Variants in CCDC68 observed in about 807,000 individuals in gnomAD.
CCDC68 encodes the protein coiled-coil domain containing 68, also known as coiled-coil domain-containing protein 68.
A neutral mutation model predicts 47.1 loss-of-function variants in CCDC68; 45 were observed. The ratio of observed to expected loss-of-function variants is 0.96; its 90% CI spans 0.75 to 1.23. The LOEUF (loss-of-function observed/expected upper bound fraction) is 1.23. CCDC68 is among the 50% of genes most tolerant of loss of function. The pLI, the probability that CCDC68 is intolerant of heterozygous loss-of-function variation, is 0.00. For synonymous variants in CCDC68, 131 were observed against 129.5 expected (o/e 1.01, Z -0.08); for missense variants, 353 against 373.6 (o/e 0.94, Z 0.45).
chr18:54,955,973 C>T (rs754254458), intron 1 of CCDC68, among the ~76,000 whole-genome samples: 4 of 151,080 alleles, frequency 2.6e-5, no homozygotes, highest in Non-Finnish European at 5.9e-5. Context: ...ATCCACCTGC[C>T]TCAGCCTCCC....
At chr18:54,956,528 G>T (rs571653022) in intron 1 of CCDC68, among the ~76,000 whole-genome samples, 1 of 152,198 alleles carries the variant, frequency 6.6e-6, no homozygotes, top group African/African-American at 2.4e-5. Flanking sequence ...CTACCAAATG[G>T]TGAACAAAAT....
At chr18:54,930,344 C>G (rs2044220348) in intron 7 of CCDC68, among the ~76,000 whole-genome samples, 1 of 151,908 alleles carries the variant, frequency 6.6e-6, no homozygotes, top group Non-Finnish European at 1.5e-5. Context: ...ATAATATTAC[C>G]TATATTGAAA....
At chr18:54,936,166 G>T (rs2044339689) in intron 6 of CCDC68, among the ~76,000 whole-genome samples, 5 of 139,428 alleles carry the variant, frequency 3.6e-5, no homozygotes, top group African/African-American at 5.3e-5. Context: ...TATTATATTA[G>T]ATATTATAAT....
At chr18:54,918,584 C>T (rs976077925) in intron 9 of CCDC68, among the ~76,000 whole-genome samples, 1 of 152,220 alleles carries the variant, frequency 6.6e-6, no homozygotes, top group Non-Finnish European at 1.5e-5. Context: ...TCCCTCCTGG[C>T]TCTCAAATTC....
chr18:54,950,830 T>G (rs913323772), intron 1 of CCDC68, among the ~76,000 whole-genome samples: 8 of 123,626 alleles, frequency 6.5e-5, no homozygotes, highest in African/African-American at 2.3e-4. Context: ...AAAAAGGATG[T>G]AAGATTTTCT....
chr18:54,944,503 C>CA (rs1351366974), intron 2 of CCDC68, among the ~76,000 whole-genome samples: 2 of 152,000 alleles, frequency 1.3e-5, no homozygotes, highest in Non-Finnish European at 2.9e-5. Context: ...TGAAACTTAT[C>CA]AAAAATGTTA....
chr18:54,958,339 G>A (rs1183778101), intron 1 of CCDC68, among the ~76,000 whole-genome samples: 2 of 152,188 alleles, frequency 1.3e-5, no homozygotes, highest in East Asian at 3.9e-4. Context: ...AATTGTGTCT[G>A]CCAGGGTACC....
At chr18:54,940,225 G>C (rs760037884) in intron 4 of CCDC68, among the ~76,000 whole-genome samples, 1 of 152,076 alleles carries the variant, frequency 6.6e-6, no homozygotes. Context: ...TCTTCTACCC[G>C]CAGCTCCAGA....
chr18:54,947,849 G>T (rs374919060), intron 1 of CCDC68, among the ~76,000 whole-genome samples: 159 of 152,228 alleles, frequency 1.0e-3, no homozygotes, highest in African/African-American at 3.8e-3. Context: ...AGCAAACCCG[G>T]GGGAGAAATT....
intron 1 of CCDC68, among the ~76,000 whole-genome samples, chr18:54,958,887 T>C (rs1225231706): frequency 3.9e-5 from 6 of 152,190 alleles, no homozygotes; most frequent in Admixed American, 3.9e-4. Context: ...GCCACCTTCA[T>C]TCATCTCTGC....
At chr18:54,939,101 A>G (rs901012187) in intron 4 of CCDC68, among the ~76,000 whole-genome samples, 5 of 152,204 alleles carry the variant, frequency 3.3e-5, no homozygotes, top group African/African-American at 9.7e-5. Context: ...TTTCACTACA[A>G]TATAATAACT....
chr18:54,930,484 T>G (rs1171938330), intron 7 of CCDC68, among the ~76,000 whole-genome samples: 2 of 152,176 alleles, frequency 1.3e-5, no homozygotes, highest in African/African-American at 4.8e-5. Flanking sequence ...TGTTTTAAAA[T>G]TAGCTTTTTC....
intron 6 of CCDC68, among the ~76,000 whole-genome samples, chr18:54,936,175 ATTATATAGATAAATATATATAATTAT>A (rs1452558188): frequency 3.4e-5 from 5 of 145,176 alleles, no homozygotes; most frequent in Non-Finnish European, 7.6e-5. Flanking sequence ...AGATATTATA[ATTATATAGATAAATATATATAATTAT>A]TTATATAGAT....
In CCDC68 at chr18:54,919,286, G is replaced by C; in HGVS notation, c.774C>G (p.Arg258=). 6.2e-7 allele frequency: 1 copy of C among 1,613,026 alleles called. No homozygotes were observed. The highest frequency in any genetic ancestry group is 8.5e-7 in the Non-Finnish European group (1 of 1,179,020). Residue 258 remains arginine, a synonymous_variant, in exon 9 of 12, where the codon CGC becomes CGG. Transcript: ENST00000591504. ...TTAATCTGACCTCCTGGATGACACT[G>C]CGCAGGTTCTGATGTTGGGAGTGAA... ...FVIHSQHQNL[R]SVIQEMEGLK...
intron 8 of CCDC68, among the ~76,000 whole-genome samples, chr18:54,924,178 T>C (rs1032873549): frequency 6.6e-6 from 1 of 152,108 alleles, no homozygotes; most frequent in Non-Finnish European, 1.5e-5. Context: ...ATAAAGCAAA[T>C]GTTGAAATTA....
chr18:54,923,081 C>T (rs1292362050), intron 8 of CCDC68, among the ~76,000 whole-genome samples: 1 of 149,450 alleles, frequency 6.7e-6, no homozygotes, highest in Non-Finnish European at 1.5e-5. Context: ...ATTGCTCCAG[C>T]AAGGAAAGTA....
At chr18:54,906,992 C>T (rs1432796020) in intron 11 of CCDC68, among the ~76,000 whole-genome samples, 4 of 152,196 alleles carry the variant, frequency 2.6e-5, no homozygotes, top group East Asian at 3.8e-4. Flanking sequence ...TTTCCACCTC[C>T]GGCACTGGGC....
Position 54,936,852 on chromosome 18 carries a change from TC to T in CCDC68, c.451del (p.Asp151ThrfsTer17). 1 of 1,614,086 alleles carries T rather than the reference TC, an allele frequency of 6.2e-7. No individual in the cohort carries two copies. The highest frequency in any genetic ancestry group is 8.5e-7 in the Non-Finnish European group (1 of 1,179,972). On this transcript the variant is annotated frameshift_variant, in exon 6 of 12. Transcript: ENST00000591504. LOFTEE classifies it high-confidence loss of function. Reference sequence around the variant, plus strand: ...TGGTACCTGGAGTAATTGTTTACTGTCCTCCTGCTTCTTTCTCACTTCTTCA... The same window carrying T: ...TGGTACCTGGAGTAATTGTTTACTGTCTCCTGCTTCTTTCTCACTTCTTCA... ...QSEEVRKKQE[D>X]SKQLLQVNKL...
chr18:54,947,341 G>C (rs1015904704), intron 1 of CCDC68, among the ~76,000 whole-genome samples: 4 of 152,228 alleles, frequency 2.6e-5, no homozygotes, highest in African/African-American at 9.6e-5. Context: ...GAGGGCTGCT[G>C]AATAGACAGG....
Sources: allele counts gnomAD v4.1 joint callset (sites outside exome capture counted in the v4.1 genomes callset), GRCh38; gene constraint gnomAD v4.1.1; transcripts MANE v1.5; gene names NCBI Gene and HGNC (gene_info 2026-07-23, HGNC 2026-07-21).